The following DPP10 variants were observed in gnomAD, a reference collection of about 807,000 sequenced individuals.
DPP10 encodes dipeptidyl peptidase like 10.
DPP10 carries 33 observed loss-of-function variants against 120.9 expected under a neutral mutation model. The ratio of observed to expected loss-of-function variants is 0.27; its 90% confidence interval spans 0.21 to 0.37. The LOEUF is 0.37. Ranked by LOEUF, DPP10 falls within the 10% of genes least tolerant of loss-of-function variation. The pLI, the probability that DPP10 is intolerant of heterozygous loss-of-function variation, is 1.00. For synonymous variants in DPP10, 337 were observed against 326.1 expected (o/e 1.03, Z -0.36); for missense variants, 816 against 942.8 (o/e 0.87, Z 1.76).
intron 1 of DPP10, among the ~76,000 whole-genome samples, chr2:115,120,389 A>C (rs939315724): frequency 6.6e-6 from 1 of 152,200 alleles, no homozygotes; most frequent in Non-Finnish European, 1.5e-5. Context: ...CAAGTTCCAG[A>C]CTAGTTAGTC....
chr2:114,663,668 T>TATATATAGAGAGAGAG, intron 1 of DPP10, among the ~76,000 whole-genome samples: 95 of 80,698 alleles, frequency 1.2e-3, no homozygotes, highest in African/African-American at 2.3e-3. Flanking sequence ...TATATATATA[T>TATATATAGAGAGAGAG]AGAGAGAGAG....
At chr2:114,799,012 C>G (rs745619745) in intron 1 of DPP10, among the ~76,000 whole-genome samples, 2 of 151,950 alleles carry the variant, frequency 1.3e-5, no homozygotes, top group African/African-American at 4.8e-5. Context: ...ACCTACAATC[C>G]CAGCTAATCG....
At chr2:114,458,554 A>G (rs775376019) in intron 1 of DPP10, among the ~76,000 whole-genome samples, 13 of 152,184 alleles carry the variant, frequency 8.5e-5, no homozygotes, top group South Asian at 2.1e-4. Context: ...TATCCTTGCT[A>G]ACAATGTGCG....
At chr2:115,422,060 G>C (rs1267510240) in intron 3 of DPP10, among the ~76,000 whole-genome samples, 2 of 151,990 alleles carry the variant, frequency 1.3e-5, no homozygotes, top group African/African-American at 4.8e-5. Context: ...AAGATGAAAA[G>C]TGACTGCTCC....
At chr2:114,554,582 G>A (rs562121470) in intron 1 of DPP10, among the ~76,000 whole-genome samples, 1 of 152,268 alleles carries the variant, frequency 6.6e-6, no homozygotes, top group African/African-American at 2.4e-5. Flanking sequence ...GGCTCTCAGT[G>A]CTACCCTACA....
chr2:115,409,310 A>G lies in DPP10; in HGVS notation c.271+65398A>G, dbSNP rs116201396. Among the ~76,000 whole-genome samples, 1,269 of 152,300 alleles carry G rather than the reference A, an allele frequency of 8.3e-3. 18 individuals are homozygous for G. Among genetic ancestry groups the G allele is most frequent in the African/African-American group, 0.03 (1,228 of 41,582 alleles). On this transcript the variant is annotated intron_variant, in intron 3 of 25. Transcript: ENST00000410059. The stretch of plus-strand genomic sequence containing the variant: ...AGTGAGATCTATATCAAAAAAATGA[A>G]TTATTAGGAGACAAATGTGTAAAAC...
At chr2:114,511,479 A>G (rs1684143739) in intron 1 of DPP10, among the ~76,000 whole-genome samples, 1 of 152,224 alleles carries the variant, frequency 6.6e-6, no homozygotes, top group African/African-American at 2.4e-5. Flanking sequence ...GGTTGGAAAG[A>G]AATCAGTGGC....
intron 2 of DPP10, among the ~76,000 whole-genome samples, chr2:115,320,952 G>A (rs1308479505): frequency 1.3e-5 from 2 of 151,988 alleles, no homozygotes; most frequent in Non-Finnish European, 2.9e-5. Context: ...GGAATATCTT[G>A]GTTTCTCCTT....
intron 1 of DPP10, among the ~76,000 whole-genome samples, chr2:114,761,441 C>A (rs1222806444): frequency 6.6e-6 from 1 of 152,116 alleles, no homozygotes; most frequent in East Asian, 1.9e-4. Flanking sequence ...CTTAAAGAGA[C>A]TCGCTCGTAT....
At chr2:115,351,519 A>G (rs112494633) in intron 3 of DPP10, among the ~76,000 whole-genome samples, 8,729 of 152,132 alleles carry the variant, frequency 0.057, 344 homozygotes, top group Middle Eastern at 0.099. Flanking sequence ...CCCAAATCTA[A>G]AATAAAGATT....
In DPP10 at chr2:114,764,250, TC is replaced by T. The variant is rs1680517872; in HGVS notation, c.60+321413del. On this transcript the variant is annotated intron_variant, in intron 1 of 25. Transcript: ENST00000410059. ...AGTGCTTGACATAGCTCACTGTTTT[TC>T]ATTTCCTTGCAACTGCTGGCCTCTT... 4.0e-5 allele frequency among the ~76,000 whole-genome samples: 6 copies of T among 151,646 alleles called. No individual in the cohort carries two copies. In the South Asian group the frequency reaches 1.3e-3, roughly 32 times the overall value.
intron 1 of DPP10, among the ~76,000 whole-genome samples, chr2:115,222,095 T>C (rs1176257992): frequency 6.6e-6 from 1 of 152,138 alleles, no homozygotes; most frequent in Non-Finnish European, 1.5e-5. Flanking sequence ...AGAGCAGGTT[T>C]AGCAACACAG....
chr2:114,477,237 T>A (rs1292136624), intron 1 of DPP10, among the ~76,000 whole-genome samples: 1 of 151,866 alleles, frequency 6.6e-6, no homozygotes, highest in East Asian at 2.0e-4. Context: ...GGATTACAGG[T>A]GTGAGCCACT....
intron 3 of DPP10, among the ~76,000 whole-genome samples, chr2:115,397,110 T>C (rs1012078724): frequency 6.6e-6 from 1 of 152,356 alleles, no homozygotes; most frequent in South Asian, 2.1e-4. Flanking sequence ...CTTAGTGACT[T>C]GATCACTTAT....
intron 1 of DPP10, among the ~76,000 whole-genome samples, chr2:114,578,001 C>T (rs1265611949): frequency 1.3e-5 from 2 of 152,182 alleles, no homozygotes; most frequent in East Asian, 3.8e-4. Flanking sequence ...TTCTAAGATA[C>T]TGCAGGTTGA....
chr2:115,340,775 A>G (rs991194672), intron 2 of DPP10, among the ~76,000 whole-genome samples: 5 of 151,602 alleles, frequency 3.3e-5, no homozygotes, highest in African/African-American at 1.2e-4. Context: ...AATACAGTTA[A>G]TTTTTTAAAT....
chr2:115,018,463 C>A (rs905058826), intron 1 of DPP10, among the ~76,000 whole-genome samples: 1 of 152,130 alleles, frequency 6.6e-6, no homozygotes, highest in African/African-American at 2.4e-5. Flanking sequence ...ACCCAAATGT[C>A]CATCAATGAT....
At chr2:115,086,412 A>T (rs900793976) in intron 1 of DPP10, among the ~76,000 whole-genome samples, 2 of 151,556 alleles carry the variant, frequency 1.3e-5, no homozygotes, top group Non-Finnish European at 2.9e-5. Flanking sequence ...CTCCCTGCTT[A>T]GAGAGTTGTC....
At chr2:115,070,132 A>G (rs1413668536) in intron 1 of DPP10, among the ~76,000 whole-genome samples, 6 of 152,118 alleles carry the variant, frequency 3.9e-5, no homozygotes, top group Admixed American at 6.5e-5. Context: ...TCATGAAAGT[A>G]AAATGAGAAA....
Sources: gnomAD v4.1 joint callset for allele counts (sites outside exome capture counted in the v4.1 genomes callset) on GRCh38, gnomAD v4.1.1 for gene constraint, MANE v1.5 for transcripts, NCBI Gene and HGNC (gene_info 2026-07-23, HGNC 2026-07-21) for gene names.